SHISA9: variants seen among roughly 807,000 people sequenced by gnomAD.
SHISA9 encodes the protein protein shisa-9.
In SHISA9, 13 loss-of-function variants were observed where a neutral mutation model predicts 38.0. That is an observed-to-expected ratio of 0.34 (90% CI 0.22 to 0.54). The LOEUF is 0.54. Among genes scored for constraint, SHISA9 ranks in the 20% least tolerant of loss-of-function variants. The pLI is 0.91. For missense variants in SHISA9, 538 were observed against 575.8 expected (o/e 0.93, Z 0.67); for synonymous variants, 275 against 242.0 (o/e 1.14, Z -1.27).
At chr16:13,060,062 A>G (rs1253564169) in intron 2 of SHISA9, among the ~76,000 whole-genome samples, 3 of 152,180 alleles carry the variant, frequency 2.0e-5, no homozygotes, top group Admixed American at 2.0e-4. Context: ...CGAGGTAACC[A>G]GTATTCAGAG....
At chr16:13,415,106 C>T in the SHISA9 span, among the ~76,000 whole-genome samples, 1 of 152,128 alleles carries the variant, frequency 6.6e-6, no homozygotes, top group East Asian at 1.9e-4. Context: ...GGGCTACAAT[C>T]GATTTACACC....
the SHISA9 span, among the ~76,000 whole-genome samples, chr16:13,272,918 G>C: frequency 6.6e-6 from 1 of 152,158 alleles, no homozygotes; most frequent in South Asian, 2.1e-4. Context: ...TTGACTCACT[G>C]ATATTTTTTC....
chr16:13,233,586 G>A (rs896538870), intron 4 of SHISA9, among the ~76,000 whole-genome samples: 1 of 152,220 alleles, frequency 6.6e-6, no homozygotes, highest in Non-Finnish European at 1.5e-5. Flanking sequence ...TACCACAGCA[G>A]AACAAAAGCA....
At chr16:13,507,690 A>G in the SHISA9 span, among the ~76,000 whole-genome samples, 1 of 152,194 alleles carries the variant, frequency 6.6e-6, no homozygotes, top group Admixed American at 6.5e-5. Flanking sequence ...GAAGTCAAAC[A>G]CAGTGAGAGG....
At chr16:13,302,017 G>A in the SHISA9 span, among the ~76,000 whole-genome samples, 4 of 152,100 alleles carry the variant, frequency 2.6e-5, no homozygotes, top group East Asian at 1.9e-4. Context: ...CCCAGAGTGA[G>A]GGGTACACAC....
chr16:13,443,070 C>T, the SHISA9 span, among the ~76,000 whole-genome samples: 1 of 152,126 alleles, frequency 6.6e-6, no homozygotes, highest in South Asian at 2.1e-4. Flanking sequence ...ACAAGACGGC[C>T]CATAAAAGGA....
intron 2 of SHISA9, among the ~76,000 whole-genome samples, chr16:12,982,110 GA>G (rs533754437): frequency 2.0e-5 from 3 of 152,286 alleles, no homozygotes; most frequent in Admixed American, 2.0e-4. Flanking sequence ...TGGAAACACT[GA>G]GGTACAGAGA....
the SHISA9 span, among the ~76,000 whole-genome samples, chr16:13,437,417 A>C: frequency 2.4e-4 from 36 of 152,302 alleles, no homozygotes; most frequent in African/African-American, 8.2e-4. Flanking sequence ...AATATGCCCA[A>C]CCACTCAGTA....
chr16:13,000,695 G>T (rs1035835595), intron 2 of SHISA9, among the ~76,000 whole-genome samples: 3 of 152,168 alleles, frequency 2.0e-5, no homozygotes, highest in Non-Finnish European at 4.4e-5. Flanking sequence ...GGGGGATGAC[G>T]CATGGGGATG....
At chr16:13,220,620 C>T (rs917732237) in intron 4 of SHISA9, among the ~76,000 whole-genome samples, 1 of 152,082 alleles carries the variant, frequency 6.6e-6, no homozygotes, top group Non-Finnish European at 1.5e-5. Flanking sequence ...TGAAATTTCA[C>T]CAGCTGGGAG....
At position 12,902,068 on chromosome 16, in the gene SHISA9, C is replaced by G. The variant is rs967106948; in HGVS notation, c.4C>G (p.Arg2Gly). The G allele has an allele frequency of 1.3e-6, 2 of 1,486,150 alleles. No homozygotes were observed. Among genetic ancestry groups the G allele is most frequent in the African/African-American group, 1.5e-5 (1 of 68,174 alleles). 92.1% of individuals were successfully genotyped at this position (1,486,150 alleles called of 1,614,324 possible). ...CGAGCCCGGGCTGGGAGACACCATG[C>G]GCCGCGTCCTTCGGCTGCTCCTCGG... M[R>G]RVLRLLLGCF... Residue 2 changes from arginine to glycine, a missense_variant, in exon 1 of 5, where the codon CGC becomes GGC. This residue lies in a region of SHISA9 where 107 missense variants were observed against 103.0 expected (regional missense o/e 1.04). Transcript: ENST00000558583.
chr16:13,315,121 C>T, the SHISA9 span, among the ~76,000 whole-genome samples: 2 of 152,102 alleles, frequency 1.3e-5, no homozygotes, highest in Non-Finnish European at 2.9e-5. Context: ...GCAAAGAGAC[C>T]ATGGGCTTTG....
At chr16:13,395,838 T>C in the SHISA9 span, among the ~76,000 whole-genome samples, 14 of 152,348 alleles carry the variant, frequency 9.2e-5, no homozygotes, top group East Asian at 2.7e-3. Context: ...AAACGCCATG[T>C]GATCTGTGCA....
the SHISA9 span, among the ~76,000 whole-genome samples, chr16:13,500,234 G>A: frequency 6.6e-6 from 1 of 152,084 alleles, no homozygotes; most frequent in Non-Finnish European, 1.5e-5. Context: ...CTCTCTTGCC[G>A]CCATGTGAGA....
chr16:13,020,853 A>C (rs1325228565), intron 2 of SHISA9, among the ~76,000 whole-genome samples: 1 of 152,224 alleles, frequency 6.6e-6, no homozygotes, highest in African/African-American at 2.4e-5. Flanking sequence ...TTGGATAACC[A>C]GATTTCTGTC....
At chr16:13,103,887 C>T (rs2073902023) in intron 2 of SHISA9, among the ~76,000 whole-genome samples, 1 of 152,148 alleles carries the variant, frequency 6.6e-6, no homozygotes, top group Non-Finnish European at 1.5e-5. Flanking sequence ...CTAAAGATTT[C>T]CAGAGCATTG....
chr16:13,030,370 T>A (rs2072976401), intron 2 of SHISA9, among the ~76,000 whole-genome samples: 2 of 152,128 alleles, frequency 1.3e-5, no homozygotes, highest in Non-Finnish European at 1.5e-5. Flanking sequence ...AGCTTTCTCA[T>A]TCCTTGGGTG....
intron 2 of SHISA9, among the ~76,000 whole-genome samples, chr16:12,973,617 T>G (rs1180923349): frequency 6.6e-6 from 1 of 152,170 alleles, no homozygotes; most frequent in Admixed American, 6.5e-5. Flanking sequence ...GATAGTTGCT[T>G]TTTTTTAGTG....
At chr16:13,510,295 T>G in the SHISA9 span, among the ~76,000 whole-genome samples, 25 of 151,980 alleles carry the variant, frequency 1.6e-4, no homozygotes, top group African/African-American at 6.0e-4. Flanking sequence ...GCGATAAGAG[T>G]GAGACTCTGG....
Sources: gnomAD v4.1 joint callset for allele counts (sites outside exome capture counted in the v4.1 genomes callset) on GRCh38, gnomAD v4.1.1 for gene constraint, gnomAD v4.1.1 regional missense constraint, MANE v1.5 for transcripts, NCBI Gene and HGNC (gene_info 2026-07-23, HGNC 2026-07-21) for gene names.